ZNF608: variants seen among roughly 807,000 people sequenced by gnomAD.
ZNF608 encodes renal carcinoma antigen NY-REN-36.
A neutral mutation model predicts 109.0 loss-of-function variants in ZNF608; 12 were observed. That is an observed-to-expected ratio of 0.11 (90% CI 0.07 to 0.18). The LOEUF is 0.18. Among genes scored for constraint, ZNF608 ranks in the 10% least tolerant of loss-of-function variants. The probability of loss-of-function intolerance (pLI) is 1.00; values close to 1 mark genes in which losing one functional copy is unlikely to be tolerated. For synonymous variants in ZNF608, 732 were observed against 717.4 expected (o/e 1.02, Z -0.33); for missense variants, 1,707 against 1,879.3 (o/e 0.91, Z 1.70).
At position 124,744,853 on chromosome 5, in the gene ZNF608, T is replaced by A; in HGVS notation, c.137A>T (p.Gln46Leu). 6.2e-7 allele frequency: 1 copy of A among 1,614,226 alleles called. No individual in the cohort carries two copies. Among genetic ancestry groups the A allele is most frequent in the Non-Finnish European group, 8.5e-7 (1 of 1,180,040 alleles). The change falls in exon 2 of 10, where the codon CAG (glutamine) becomes CTG (leucine). Residue 46 changes from glutamine to leucine, a missense_variant. Gln to Leu is a moderately radical substitution (Grantham distance 113). Coordinates refer to ENST00000513986, the MANE Select transcript of ZNF608 (RefSeq NM_020747.3). The surrounding 1 kb of genome is among the most constrained non-coding windows in gnomAD (Gnocchi z 4.5). ...GGTGGAATTATTCATCTCAAATTTC[T>A]GTCTGTCCTTCTCCAAATCAGCGTC... Reference protein sequence around the residue: ...DLDADLEKDRQKFEMNNSTTT... With the variant: ...DLDADLEKDRLKFEMNNSTTT...
rs368839951 is a variant in ZNF608, at chr5:124,648,954, C to T, written c.1430G>A (p.Ser477Asn). Reference sequence around the variant, plus strand: ...ACAATTTGGGGGTGTCCTTCGTCCGCTGGCATTGAGGCTGCCCCGCCTCCC... The same window carrying T: ...ACAATTTGGGGGTGTCCTTCGTCCGTTGGCATTGAGGCTGCCCCGCCTCCC... ...GKGRRGSLNA[S>N]GRRTPPNCAA... Residue 477 changes from serine to asparagine, a missense_variant, in exon 5 of 10, where the codon AGC becomes AAC. This residue lies in a region of ZNF608 where 166 missense variants were observed against 204.2 expected (regional missense o/e 0.81). Transcript: ENST00000513986. 1.2e-6 allele frequency: 2 copies of T among 1,614,054 alleles called. No individual in the cohort carries two copies. The highest frequency in any genetic ancestry group is 1.7e-5 in the Admixed American group (1 of 59,990).
At position 124,744,110 on chromosome 5, in the gene ZNF608, G is replaced by T. The variant is rs1580729331; in HGVS notation, c.880C>A (p.Arg294=). 6.3e-7 allele frequency: 1 copy of T among 1,599,546 alleles called. No homozygotes were observed. ...TTCTCAGTTTTCAGTTTCTTGATTC[G>T]CCTGTGGCTCTCCTCCTCCTCCTCT... The part of the protein sequence containing the change: ...KEEEEEESHR[R]IKKLKTEKVD... Residue 294 remains arginine (R), a synonymous_variant, in exon 2 of 10, where the codon CGA becomes AGA. Transcript: ENST00000513986. This position sits in a 1 kb window ranked among gnomAD's most constrained non-coding sequence, Gnocchi z 4.5.
In ZNF608 at chr5:124,705,121, C is replaced by A. The variant is rs139818467; in HGVS notation, c.907-3852G>T. On this transcript the variant is annotated intron_variant, in intron 2 of 9. Coordinates refer to ENST00000513986, the MANE Select transcript of ZNF608 (RefSeq NM_020747.3). ...AAGCATTTTCAGTAGTTATTTTTGCCTTATACAAAAGATCAACTCCACTGC... is the reference window on the plus strand; with the variant it reads ...AAGCATTTTCAGTAGTTATTTTTGCATTATACAAAAGATCAACTCCACTGC... 9.9e-5 allele frequency among the ~76,000 whole-genome samples: 15 copies of A among 152,212 alleles called. No homozygotes were observed. The East Asian group carries it at 2.7e-3, about 28-fold the overall frequency.
In ZNF608 at chr5:124,721,257, A is replaced by G. The variant is rs541552212; in HGVS notation, c.907-19988T>C. Among the ~76,000 whole-genome samples, 5 of 152,320 alleles carry G rather than the reference A, an allele frequency of 3.3e-5. 1 individual carries two copies. Among genetic ancestry groups the G allele is most frequent in the African/African-American group, 1.2e-4 (5 of 41,576 alleles). On this transcript the variant is annotated intron_variant, in intron 2 of 9. Coordinates refer to ENST00000513986, the MANE Select transcript of ZNF608 (RefSeq NM_020747.3). ...CAATGTTTTTGCCAACGATCTCTAC[A>G]TGGAAGAAAAGACAAAAGATGTGGA... is the stretch of plus-strand genomic sequence containing the variant.
At chr5:124,705,722 C>T (rs1337489817) in intron 2 of ZNF608, among the ~76,000 whole-genome samples, 4 of 152,232 alleles carry the variant, frequency 2.6e-5, no homozygotes, top group African/African-American at 9.6e-5. Flanking sequence ...CATACACTGA[C>T]ATCTGGCAGC....
intron 3 of ZNF608, among the ~76,000 whole-genome samples, chr5:124,658,147 G>A (rs1340210238): frequency 6.6e-6 from 1 of 152,118 alleles, no homozygotes; most frequent in Non-Finnish European, 1.5e-5. Flanking sequence ...GTTGGGGGAG[G>A]AGGGAAGAAG....
At chr5:124,717,325 G>A (rs533389369) in intron 2 of ZNF608, among the ~76,000 whole-genome samples, 2 of 151,618 alleles carry the variant, frequency 1.3e-5, no homozygotes, top group African/African-American at 4.8e-5. Context: ...AAAAAAATTA[G>A]CCAGGCATGG....
intron 2 of ZNF608, among the ~76,000 whole-genome samples, chr5:124,723,566 T>A (rs1233088397): frequency 6.6e-6 from 1 of 152,082 alleles, no homozygotes; most frequent in African/African-American, 2.4e-5. Flanking sequence ...TGGGCACCTG[T>A]AATTCCAGCC....
In ZNF608 at chr5:124,744,467, A is replaced by AGGTGCT; in HGVS notation, c.517_522dup (p.Thr174_Ser175dup). 3.1e-6 allele frequency: 5 copies of AGGTGCT among 1,614,184 alleles called. No individual in the cohort carries two copies. Among genetic ancestry groups the AGGTGCT allele is most frequent in the Non-Finnish European group, 4.2e-6 (5 of 1,180,034 alleles). ...GAGCCTGCCCCCGCGGTGGCGGCAG[A>AGGTGCT]GGTGCTGGTGCTGGTACTATTGCTG... On this transcript the variant is annotated inframe_insertion, in exon 2 of 10. Coordinates refer to ENST00000513986, the MANE Select transcript of ZNF608 (RefSeq NM_020747.3). This position sits in a 1 kb window ranked among gnomAD's most constrained non-coding sequence, Gnocchi z 4.5.
At chr5:124,741,539 A>T (rs1374806027) in intron 2 of ZNF608, among the ~76,000 whole-genome samples, 1 of 152,200 alleles carries the variant, frequency 6.6e-6, no homozygotes, top group Non-Finnish European at 1.5e-5. Context: ...AAACTCAGAT[A>T]ATCAAGCCAG....
intron 3 of ZNF608, among the ~76,000 whole-genome samples, chr5:124,661,535 G>T (rs139110842): frequency 2.0e-5 from 3 of 150,734 alleles, no homozygotes; most frequent in Non-Finnish European, 4.4e-5. Context: ...AACGTGCTTA[G>T]AGACCAGCTC....
intron 2 of ZNF608, among the ~76,000 whole-genome samples, chr5:124,732,949 C>A (rs1267334886): frequency 6.6e-6 from 1 of 151,974 alleles, no homozygotes; most frequent in Non-Finnish European, 1.5e-5. Flanking sequence ...CCACCTTCTT[C>A]CCTCCCTCTA....
At chr5:124,686,816 A>T (rs979053778) in intron 3 of ZNF608, among the ~76,000 whole-genome samples, 1 of 152,226 alleles carries the variant, frequency 6.6e-6, no homozygotes, top group Non-Finnish European at 1.5e-5. Context: ...AACTGTGCAA[A>T]GGTACAAGTA....
chr5:124,727,733 CTTTTTTT>C (rs1182383879), intron 2 of ZNF608, among the ~76,000 whole-genome samples: 1 of 77,872 alleles, frequency 1.3e-5, no homozygotes, highest in Non-Finnish European at 2.3e-5. Context: ...TCCAGGTATC[CTTTTTTT>C]TTTTTTTTTT....
chr5:124,676,513 A>G (rs1751951788), intron 3 of ZNF608, among the ~76,000 whole-genome samples: 1 of 152,222 alleles, frequency 6.6e-6, no homozygotes, highest in Non-Finnish European at 1.5e-5. Context: ...GTGTGTAACA[A>G]AGTCATTTTA....
intron 2 of ZNF608, among the ~76,000 whole-genome samples, chr5:124,731,267 G>A (rs536046687): frequency 9.8e-5 from 15 of 152,308 alleles, no homozygotes; most frequent in African/African-American, 3.6e-4. Flanking sequence ...CTGGTGTGCA[G>A]TGGCACGATG....
intron 2 of ZNF608, among the ~76,000 whole-genome samples, chr5:124,707,212 G>T (rs956827498): frequency 6.6e-6 from 1 of 152,156 alleles, no homozygotes; most frequent in Non-Finnish European, 1.5e-5. Flanking sequence ...AGGTGGCCAG[G>T]GTAGGGCTGG....
chr5:124,744,264 G>A lies in ZNF608; in HGVS notation c.726C>T (p.Ser242=). ...GGHLYGFGAK[S]NGGGASPFHC... ...GGAAGGGGCTCGCGCCACCTCCATT[G>A]CTCTTGGCCCCAAAGCCATAGAGGT... The change falls in exon 2 of 10, where the codon AGC becomes AGT. Residue 242 remains serine (S), a synonymous_variant. Coordinates refer to ENST00000513986, the MANE Select transcript of ZNF608 (RefSeq NM_020747.3). The surrounding 1 kb of genome is among the most constrained non-coding windows in gnomAD (Gnocchi z 4.5). 6 of 1,613,508 alleles carry A rather than the reference G, an allele frequency of 3.7e-6. No individual in the cohort carries two copies. Among genetic ancestry groups the A allele is most frequent in the Non-Finnish European group, 5.1e-6 (6 of 1,179,850 alleles).
chr5:124,706,132 G>A lies in ZNF608; in HGVS notation c.907-4863C>T, dbSNP rs563761135. On this transcript the variant is annotated intron_variant, in intron 2 of 9. Coordinates refer to ENST00000513986, the MANE Select transcript of ZNF608 (RefSeq NM_020747.3). ...TGGTGGCCTGAGAGCAAAAAGTAGC[G>A]TGTTAATGGAAGACAGGGTGGGGCA... Among the ~76,000 whole-genome samples the A allele has an allele frequency of 4.6e-5, 7 of 152,312 alleles. No homozygotes were observed. The South Asian group carries it at 1.0e-3, about 23-fold the overall frequency.
Sources: gnomAD v4.1 joint callset for allele counts (sites outside exome capture counted in the v4.1 genomes callset) on GRCh38, gnomAD v4.1.1 for gene constraint, gnomAD v4.1.1 regional missense constraint, Gnocchi (gnomAD v3.1) non-coding constraint, MANE v1.5 for transcripts, NCBI Gene and HGNC (gene_info 2026-07-23, HGNC 2026-07-21) for gene names.